Variants in GALNT17 observed in about 807,000 individuals in gnomAD.
GALNT17 encodes the protein UDP-GalNAc:polypeptide N-acetylgalactosaminyltransferase-like 3.
In GALNT17, 29 loss-of-function variants were observed where a neutral mutation model predicts 63.7. That is an observed-to-expected ratio of 0.46 (90% CI 0.34 to 0.62). The LOEUF is 0.62. Ranked by LOEUF, GALNT17 falls within the 20% of genes least tolerant of loss-of-function variation. The pLI is 0.01. For synonymous variants in GALNT17, 305 were observed against 318.3 expected, an observed-to-expected ratio of 0.96 and a Z score of 0.45; for missense variants, 603 against 799.6, an observed-to-expected ratio of 0.75 and a Z score of 2.97.
At position 71,449,108 on chromosome 7, in the gene GALNT17, C is replaced by CT. The variant is rs59368494; in HGVS notation, c.962+28025dup. Among the ~76,000 whole-genome samples, 84 of 72,742 alleles carry CT rather than the reference C, an allele frequency of 1.2e-3. 8 individuals carry two copies. Among genetic ancestry groups the CT allele is most frequent in the South Asian group, 0.011 (18 of 1,700 alleles). The allele number at this position is 72,742 out of a possible 152,430, so 47.7% of individuals were successfully genotyped here. On this transcript the variant is annotated intron_variant, in intron 5 of 10. Transcript: ENST00000333538. ...ATTAGAAATAACAGCTGCCTATTTT[C>CT]TTTTTTTTTTTTTTTTTTTTTTGAG...
intron 1 of GALNT17, among the ~76,000 whole-genome samples, chr7:71,145,741 C>T (rs753079809): frequency 2.6e-5 from 4 of 152,074 alleles, no homozygotes; most frequent in Non-Finnish European, 5.9e-5. Context: ...GAGTCTCACT[C>T]GTTGCCCAGG....
chr7:71,443,967 T>TCTG (rs1429285983), intron 5 of GALNT17, among the ~76,000 whole-genome samples: 1 of 152,196 alleles, frequency 6.6e-6, no homozygotes, highest in Non-Finnish European at 1.5e-5. Context: ...CCTCGGGTGA[T>TCTG]CTGCCCGCCT....
intron 2 of GALNT17, among the ~76,000 whole-genome samples, chr7:71,383,885 C>T (rs1422003599): frequency 6.6e-6 from 1 of 152,308 alleles, no homozygotes; most frequent in Non-Finnish European, 1.5e-5. Context: ...TTGCTTCCAA[C>T]ATTTAGCTGC....
chr7:71,643,773 C>A (rs2117011025), intron 6 of GALNT17, among the ~76,000 whole-genome samples: 1 of 152,304 alleles, frequency 6.6e-6, no homozygotes, highest in Admixed American at 6.5e-5. Flanking sequence ...ATATGCCAGA[C>A]ACGGTGTTAG....
intron 5 of GALNT17, among the ~76,000 whole-genome samples, chr7:71,544,124 CT>C (rs60144462): frequency 1.7e-4 from 22 of 132,430 alleles, no homozygotes; most frequent in Admixed American, 3.1e-4. Flanking sequence ...TTTCTTTTTT[CT>C]TTTTTTTTTT....
intron 9 of GALNT17, 89 bp from the exon 10 acceptor site, chr7:71,710,672 G>A: frequency 6.8e-7 from 1 of 1,469,288 alleles, no homozygotes; most frequent in Non-Finnish European, 9.3e-7. Context: ...AACAGCAGGA[G>A]TAAAGCCGAG....
chr7:71,581,123 A>G (rs1487144321), intron 6 of GALNT17, among the ~76,000 whole-genome samples: 1 of 152,072 alleles, frequency 6.6e-6, no homozygotes, highest in Non-Finnish European at 1.5e-5. Context: ...CAGGAGAGAG[A>G]CCAAGCAAGG....
intron 1 of GALNT17, among the ~76,000 whole-genome samples, chr7:71,213,430 T>A (rs1789418784): frequency 6.6e-6 from 1 of 150,730 alleles, no homozygotes; most frequent in Non-Finnish European, 1.5e-5. Flanking sequence ...GGTATTTATT[T>A]ATATGTTTCA....
chr7:71,201,367 C>T (rs1024601668), intron 1 of GALNT17, among the ~76,000 whole-genome samples: 1 of 151,490 alleles, frequency 6.6e-6, no homozygotes, highest in Non-Finnish European at 1.5e-5. Context: ...CTGATGCCTG[C>T]TGAGAACTCA....
chr7:71,502,282 C>A (rs1017025508), intron 5 of GALNT17, among the ~76,000 whole-genome samples: 1 of 152,210 alleles, frequency 6.6e-6, no homozygotes, highest in East Asian at 1.9e-4. Context: ...TCCCATCTTT[C>A]ACAGTCTTGT....
At chr7:71,349,390 T>C (rs1000156447) in intron 2 of GALNT17, among the ~76,000 whole-genome samples, 7 of 152,304 alleles carry the variant, frequency 4.6e-5, no homozygotes, top group Admixed American at 1.3e-4. Flanking sequence ...CATGTCCCTT[T>C]AGTTAATTTA....
chr7:71,144,962 T>C (rs113584903), intron 1 of GALNT17, among the ~76,000 whole-genome samples: 2,060 of 152,214 alleles, frequency 0.014, 38 homozygotes, highest in African/African-American at 0.047. Flanking sequence ...TCTCCTGACT[T>C]CGTGATTTGC....
intron 5 of GALNT17, among the ~76,000 whole-genome samples, chr7:71,482,113 G>A (rs1474300166): frequency 6.6e-6 from 1 of 150,442 alleles, no homozygotes; most frequent in African/African-American, 2.5e-5. Flanking sequence ...GTGTGTGTGT[G>A]TATGTATGGT....
chr7:71,147,416 A>G (rs534400029), intron 1 of GALNT17, among the ~76,000 whole-genome samples: 1 of 152,224 alleles, frequency 6.6e-6, no homozygotes, highest in African/African-American at 2.4e-5. Flanking sequence ...TGCCTGCTTT[A>G]TATTCAGCTG....
At chr7:71,351,856 G>T (rs1002277824) in intron 2 of GALNT17, among the ~76,000 whole-genome samples, 2 of 152,270 alleles carry the variant, frequency 1.3e-5, no homozygotes, top group Middle Eastern at 3.4e-3. Flanking sequence ...TTGACATAGC[G>T]AAGTGTCCTG....
At chr7:71,550,794 AT>A (rs1789064004) in intron 5 of GALNT17, among the ~76,000 whole-genome samples, 1 of 152,188 alleles carries the variant, frequency 6.6e-6, no homozygotes, top group Non-Finnish European at 1.5e-5. Context: ...GAAGATTTTA[AT>A]TTTTTCATTA....
At chr7:71,197,079 G>T (rs944352057) in intron 1 of GALNT17, among the ~76,000 whole-genome samples, 2 of 151,716 alleles carry the variant, frequency 1.3e-5, no homozygotes, top group Non-Finnish European at 2.9e-5. Context: ...GGAAAATGGG[G>T]TATCCATCCT....
chr7:71,648,966 C>G (rs1790718481), intron 6 of GALNT17, among the ~76,000 whole-genome samples: 1 of 152,208 alleles, frequency 6.6e-6, no homozygotes, highest in Non-Finnish European at 1.5e-5. Flanking sequence ...AGCATGAAGC[C>G]TTATGGGCCC....
intron 5 of GALNT17, among the ~76,000 whole-genome samples, chr7:71,455,445 T>G (rs891284155): frequency 6.6e-6 from 1 of 152,118 alleles, no homozygotes; most frequent in African/African-American, 2.4e-5. Context: ...TTGAGGGGTT[T>G]TGGATTTTAT....
Sources: allele counts gnomAD v4.1 joint callset (sites outside exome capture counted in the v4.1 genomes callset), GRCh38; gene constraint gnomAD v4.1.1; transcripts MANE v1.5; gene names NCBI Gene and HGNC (gene_info 2026-07-23, HGNC 2026-07-21).